The following SALL1 variants were observed in gnomAD, a reference collection of about 807,000 sequenced individuals.
SALL1 encodes spalt like transcription factor 1.
SALL1 carries 10 observed loss-of-function variants against 73.1 expected under a neutral mutation model. The ratio of observed to expected loss-of-function variants is 0.14; its 90% CI spans 0.08 to 0.23. The LOEUF is 0.23. SALL1 is among the 10% of genes least tolerant of loss of function. SALL1 has a pLI of 1.00. For missense variants in SALL1, 1,520 were observed against 1,697.3 expected, an observed-to-expected ratio of 0.90 and a Z score of 1.84; for synonymous variants, 688 against 689.8, an observed-to-expected ratio of 1.00 and a Z score of 0.04.
chr16:51,140,021 A>C lies in SALL1; in HGVS notation c.2201T>G (p.Phe734Cys). ...HYRTHTGERP[F>C]KCKICGRAFT... ...AGCCCGGCCACAGATCTTACACTTAAAGGGCCTCTCCCCAGTGTGTGTCCT... is the reference window on the plus strand; with the variant it reads ...AGCCCGGCCACAGATCTTACACTTACAGGGCCTCTCCCCAGTGTGTGTCCT... Residue 734 changes from phenylalanine (F) to cysteine (C), a missense_variant, in exon 2 of 3, where the codon TTT (phenylalanine) becomes TGT (cysteine). Around this residue, in one of 7 missense-constraint regions of SALL1, gnomAD observed 77 missense variants for 117.2 expected, o/e 0.66. Transcript: ENST00000251020. This position sits in a 1 kb window ranked among gnomAD's most constrained non-coding sequence, Gnocchi z 5.7. 6.2e-7 allele frequency: 1 copy of C among 1,614,142 alleles called. No homozygotes were observed.
Position 51,139,280 on chromosome 16 carries a change from A to T in SALL1, c.2942T>A (p.Ile981Asn), listed in dbSNP as rs750780148. ...GAGGATCCCCAAAGAATCTTCTTTG[A>T]TGATTTTCTCTGCGTGACTAGATGT... The part of the protein sequence containing the change: ...DLTSSHAEKI[I>N]KEDSLGILFP... Residue 981 changes from isoleucine (I) to asparagine (N), a missense_variant, in exon 2 of 3, where the codon ATC becomes AAC. Physicochemically the swap from Ile to Asn is moderately radical, Grantham distance 149. Transcript: ENST00000251020. 1 of 1,614,190 alleles carries T rather than the reference A, an allele frequency of 6.2e-7. No homozygotes were observed. Among genetic ancestry groups the T allele is most frequent in the Non-Finnish European group, 8.5e-7 (1 of 1,180,032 alleles).
chr16:51,139,369 C>T lies in SALL1; in HGVS notation c.2853G>A (p.Ala951=), dbSNP rs369370401. 1.4e-5 allele frequency: 23 copies of T among 1,613,988 alleles called. No individual in the cohort carries two copies. Among genetic ancestry groups the T allele is most frequent in the African/African-American group, 2.7e-5 (2 of 74,922 alleles). The change falls in exon 2 of 3, where the codon GCG becomes GCA. Residue 951 remains alanine, a synonymous_variant. Transcript: ENST00000251020. The stretch of plus-strand genomic sequence containing the variant: ...AACCATTGGCAAACTCGCTTGGGAC[C>T]GCTCTCTGTGGTTTCTCCTCAATGC... ...SPSIEEKPQR[A]VPSEFANGLS...
Position 51,146,669 on chromosome 16 carries a change from G to A in SALL1, c.76+4497C>T, listed in dbSNP as rs545560991. ...CTAACTTCCTGCTAAGTGACTAGCA[G>A]GATTCAATTTGGGGGTCACTGGGAA... On this transcript the variant is annotated intron_variant, in intron 1 of 2. Transcript: ENST00000251020. Among the ~76,000 whole-genome samples, 3 of 152,272 alleles carry A rather than the reference G, an allele frequency of 2.0e-5. No individual in the cohort carries two copies. The East Asian group carries it at 5.8e-4, about 29-fold the overall frequency.
In SALL1 at chr16:51,141,945, T is replaced by C. The variant is rs1395262605; in HGVS notation, c.277A>G (p.Asn93Asp). 1 of 1,613,842 alleles carries C rather than the reference T, an allele frequency of 6.2e-7. No homozygotes were observed. Among genetic ancestry groups the C allele is most frequent in the Admixed American group, 1.7e-5 (1 of 60,004 alleles). Residue 93 changes from asparagine (N) to aspartate (D), a missense_variant, in exon 2 of 3, where the codon AAT becomes GAT. By Grantham distance (23) the Asn-to-Asp change is conservative. This residue lies in a region of SALL1 where 540 missense variants were observed against 567.5 expected (regional missense o/e 0.95). Transcript: ENST00000251020. This position sits in a 1 kb window ranked among gnomAD's most constrained non-coding sequence, Gnocchi z 5.4. ...ETFSPSPPPD[N>D]PDEQMNDTVN... ...GTGTCATTCATTTGTTCATCAGGAT[T>C]ATCAGGAGGGGGGCTGGGGGAGAAG...
chr16:51,151,070 T>G (rs1962593435), intron 1 of SALL1, 96 bp downstream of exon 1: 2 of 765,578 alleles, frequency 2.6e-6, no homozygotes, highest in Admixed American at 2.8e-5. Context: ...GGCGGTGAGG[T>G]AGGGGGCGCG....
Position 51,138,694 on chromosome 16 carries a change from A to G in SALL1, c.3528T>C (p.Asn1176=). The change falls in exon 2 of 3, where the codon AAT becomes AAC. Residue 1176 remains asparagine (N), a synonymous_variant. Transcript: ENST00000251020. ...ICGRAFTTKG[N]LKVHMGTHMW... ...TGCAGAGAGAGCAAGGTACCTTAAG[A>G]TTGCCTTTAGTCGTGAAAGCTCTTC... 1 of 1,612,610 alleles carries G rather than the reference A, an allele frequency of 6.2e-7. No homozygotes were observed. Among genetic ancestry groups the G allele is most frequent in the Non-Finnish European group, 8.5e-7 (1 of 1,178,988 alleles).
At chr16:51,147,148 C>T (rs1962529197) in intron 1 of SALL1, among the ~76,000 whole-genome samples, 2 of 152,106 alleles carry the variant, frequency 1.3e-5, no homozygotes. Context: ...AATAGAGCCC[C>T]CAAAGAAGAA....
At chr16:51,149,423 G>C (rs917765490) in intron 1 of SALL1, 6 of 152,208 alleles carry the variant, frequency 3.9e-5, no homozygotes, top group African/African-American at 1.4e-4. Context: ...GTGACTGCGG[G>C]AAGCAGAAGA....
In SALL1 at chr16:51,137,415, T is replaced by C; in HGVS notation, c.3672A>G (p.Arg1224=). The change falls in exon 3 of 3, where the codon AGA becomes AGG. Residue 1224 remains arginine (R), a synonymous_variant. Transcript: ENST00000251020. ...AGCTGGAAGGATCCCCACTTCCTGA[T>C]CTTGCCGCCAAATCCTTCTGGAACA... ...PEMFQKDLAA[R]SGSGDPSSFW... 1 of 1,614,068 alleles carries C rather than the reference T, an allele frequency of 6.2e-7. No individual in the cohort carries two copies. Among genetic ancestry groups the C allele is most frequent in the Non-Finnish European group, 8.5e-7 (1 of 1,180,020 alleles).
At chr16:51,147,560 T>C (rs1167739265) in intron 1 of SALL1, among the ~76,000 whole-genome samples, 1 of 152,174 alleles carries the variant, frequency 6.6e-6, no homozygotes, top group African/African-American at 2.4e-5. Flanking sequence ...GGTTAAATAA[T>C]AGAATTTCAT....
Position 51,137,123 on chromosome 16 carries a change from C to G in SALL1, c.3964G>C (p.Val1322Leu), listed in dbSNP as rs199701845. The G allele has an allele frequency of 2.5e-6, 4 of 1,614,178 alleles. No homozygotes were observed. The highest frequency in any genetic ancestry group is 1.1e-5 in the South Asian group (1 of 91,080). Reference protein sequence around the residue: ...TRFVEDSKEIVTS With the variant: ...TRFVEDSKEILTS Reference sequence around the variant, plus strand: ...CAGCCCGAGCTGCTTTAACTCGTGACGATCTCCTTGCTGTCCTCCACGAAG... The same window carrying G: ...CAGCCCGAGCTGCTTTAACTCGTGAGGATCTCCTTGCTGTCCTCCACGAAG... The change falls in exon 3 of 3, where the codon GTC becomes CTC. Residue 1322 changes from valine to leucine, a missense_variant. By Grantham distance (32) the Val-to-Leu change is conservative. Coordinates refer to ENST00000251020, the MANE Select transcript of SALL1 (RefSeq NM_002968.3).
intron 1 of SALL1, among the ~76,000 whole-genome samples, chr16:51,144,511 G>A (rs1439656905): frequency 6.6e-6 from 1 of 152,134 alleles, no homozygotes; most frequent in Non-Finnish European, 1.5e-5. Context: ...TAACTAGCAA[G>A]GGAAATCAGA....
rs1962297589 is a variant in SALL1 at position 51,136,351 on chromosome 16, C to T, written c.*761G>A. On this transcript the variant is annotated 3_prime_UTR_variant, in exon 3 of 3. Transcript: ENST00000251020. Reference sequence around the variant, plus strand: ...CACACATTTTCTATCGTGAATATACCTACAAGGCAAAATGTTACGTCTCAG... The same window carrying T: ...CACACATTTTCTATCGTGAATATACTTACAAGGCAAAATGTTACGTCTCAG... 2.0e-5 allele frequency: 3 copies of T among 152,608 alleles called. No individual in the cohort carries two copies. The highest frequency in any genetic ancestry group is 4.4e-5 in the Non-Finnish European group (3 of 68,040). 9.5% of individuals were successfully genotyped at this position (152,608 alleles called of 1,614,324 possible). A position where few individuals can be genotyped will look rare whatever the true frequency, so the allele number is the denominator to read the frequency against.
In SALL1 at chr16:51,138,991, G is replaced by A. The variant is rs148808830; in HGVS notation, c.3231C>T (p.Pro1077=). Residue 1077 remains proline (P), a synonymous_variant, in exon 2 of 3, where the codon CCC becomes CCT. Coordinates refer to ENST00000251020, the MANE Select transcript of SALL1 (RefSeq NM_002968.3). ...TGATGAGAGATGACAACGAGTTGGC[G>A]GGAATCACCGCTGAGTTCTGATTGG... ...LGPNQNSAVI[P]ANSLSSLIKT... is the part of the protein sequence containing the mutation. 34 of 1,614,152 alleles carry A rather than the reference G, an allele frequency of 2.1e-5. No individual in the cohort carries two copies. The highest frequency in any genetic ancestry group is 2.0e-4 in the Admixed American group (12 of 60,024).
chr16:51,143,387 G>T (rs1477911247), intron 1 of SALL1: 2 of 402,024 alleles, frequency 5.0e-6, no homozygotes, highest in Admixed American at 2.8e-5. Context: ...TTGTACAAAT[G>T]GTGTGTGGTC....
rs1232237790 is a variant in SALL1 at position 51,142,142 on chromosome 16, T to A, written c.80A>T (p.Asp27Val). ...GCGACTCGGTTGACCCTTTTCTGTG[T>A]CTCCTACAAATGTCAAAAAGGTGCA... is the stretch of plus-strand genomic sequence containing the variant. ...EVASLPRRDG[D>V]TEKGQPSRPT... The change falls in exon 2 of 3, where the codon GAC becomes GTC. Residue 27 changes from aspartate (D) to valine (V), a missense_variant. This residue lies in a region of SALL1 where 540 missense variants were observed against 567.5 expected (regional missense o/e 0.95). Coordinates refer to ENST00000251020, the MANE Select transcript of SALL1 (RefSeq NM_002968.3). The A allele has an allele frequency of 6.2e-7, 1 of 1,611,070 alleles. No homozygotes were observed. Among genetic ancestry groups the A allele is most frequent in the Non-Finnish European group, 8.5e-7 (1 of 1,178,864 alleles).
intron 1 of SALL1, 125 bp downstream of exon 1, chr16:51,151,041 A>C (rs935928092): frequency 1.9e-6 from 1 of 518,732 alleles, no homozygotes; most frequent in Non-Finnish European, 3.3e-6. Flanking sequence ...CGAGTGGAAG[A>C]AGCAATCGGG....
chr16:51,137,795 G>A (rs185914558), intron 2 of SALL1, among the ~76,000 whole-genome samples: 13 of 152,286 alleles, frequency 8.5e-5, no homozygotes, highest in Admixed American at 7.8e-4. Context: ...CTCTTCCAAG[G>A]CAAGGATGCC....
In SALL1 at chr16:51,136,860, T is replaced by C; in HGVS notation, c.*252A>G. The C allele has an allele frequency of 1.9e-6, 1 of 513,646 alleles. No homozygotes were observed. The highest frequency in any genetic ancestry group is 3.5e-6 in the Non-Finnish European group (1 of 285,796). 31.8% of individuals were successfully genotyped at this position (513,646 alleles called of 1,614,324 possible). ...TACAGCACTCTAGTCAATTAGTATT[T>C]AGTCCAAAATACAGAAGACCAAAGT... On this transcript the variant is annotated 3_prime_UTR_variant, in exon 3 of 3. Coordinates refer to ENST00000251020, the MANE Select transcript of SALL1 (RefSeq NM_002968.3).
Sources: allele counts gnomAD v4.1 joint callset (sites outside exome capture counted in the v4.1 genomes callset), GRCh38; gene constraint gnomAD v4.1.1; regional missense constraint gnomAD v4.1.1; non-coding constraint Gnocchi (gnomAD v3.1); transcripts MANE v1.5; gene names NCBI Gene and HGNC (gene_info 2026-07-23, HGNC 2026-07-21).